PRKAG2: variants seen among roughly 807,000 people sequenced by gnomAD.
PRKAG2 encodes the protein protein kinase AMP-activated non-catalytic subunit gamma 2.
PRKAG2 carries 26 observed loss-of-function variants against 69.6 expected under a neutral mutation model. The ratio of observed to expected loss-of-function variants is 0.37; its 90% confidence interval spans 0.27 to 0.52. The LOEUF (loss-of-function observed/expected upper bound fraction) is 0.52. Ranked by LOEUF, PRKAG2 falls within the 20% of genes least tolerant of loss-of-function variation. The pLI is 0.90. For missense variants in PRKAG2, 557 were observed against 740.0 expected (o/e 0.75, Z 2.87); for synonymous variants, 293 against 285.0 (o/e 1.03, Z -0.28).
In PRKAG2 at chr7:151,825,877, T is replaced by A. The variant is rs75674230; in HGVS notation, c.115-39336A>T. Among the ~76,000 whole-genome samples the A allele has an allele frequency of 7.8e-3, 1,190 of 152,248 alleles. 9 individuals carry two copies. The highest frequency in any genetic ancestry group is 0.013 in the Non-Finnish European group (910 of 68,018). ...CAGCCTAAGGCTTCTTCACTCCCTTTCCTGGCCCCAATTGCCTCCAAACAA... is the reference window on the plus strand; with the variant it reads ...CAGCCTAAGGCTTCTTCACTCCCTTACCTGGCCCCAATTGCCTCCAAACAA... On this transcript the variant is annotated intron_variant, in intron 1 of 15. Coordinates refer to ENST00000287878, the MANE Select transcript of PRKAG2 (RefSeq NM_016203.4).
At chr7:151,808,386 G>A (rs2078230654) in intron 1 of PRKAG2, among the ~76,000 whole-genome samples, 1 of 152,096 alleles carries the variant, frequency 6.6e-6, no homozygotes, top group African/African-American at 2.4e-5. Context: ...GAAACTGCTA[G>A]ACTCAATGAC....
intron 3 of PRKAG2, among the ~76,000 whole-genome samples, chr7:151,692,562 G>C (rs1835849057): frequency 1.4e-5 from 2 of 143,476 alleles, no homozygotes; most frequent in South Asian, 4.2e-4. Flanking sequence ...TCTCAGAATA[G>C]CACATTTTTT....
chr7:151,587,191 G>A (rs1442540953), intron 6 of PRKAG2, among the ~76,000 whole-genome samples: 2 of 152,106 alleles, frequency 1.3e-5, no homozygotes, highest in Non-Finnish European at 2.9e-5. Flanking sequence ...ATACTTGCTT[G>A]TTTTTTTGTT....
At chr7:151,595,634 G>C (rs1289094390) in intron 5 of PRKAG2, among the ~76,000 whole-genome samples, 180 bp from the exon 6 acceptor site, 1 of 152,124 alleles carries the variant, frequency 6.6e-6, no homozygotes, top group Non-Finnish European at 1.5e-5. Flanking sequence ...CTATATTGGA[G>C]GTCCCAGATG....
chr7:151,575,830 T>TTAA (rs1554464967), intron 7 of PRKAG2, among the ~76,000 whole-genome samples: 1 of 140,144 alleles, frequency 7.1e-6, no homozygotes, highest in Admixed American at 7.4e-5. Context: ...TAAAAGAAAT[T>TTAA]CAACAACAAC....
chr7:151,824,195 G>T (rs1243092555), intron 1 of PRKAG2, among the ~76,000 whole-genome samples: 1 of 152,194 alleles, frequency 6.6e-6, no homozygotes, highest in Non-Finnish European at 1.5e-5. Flanking sequence ...CCTTGGTTCA[G>T]AATATTCATA....
chr7:151,742,625 CA>C lies in PRKAG2; in HGVS notation c.466+38526del, dbSNP rs562390958. The stretch of plus-strand genomic sequence containing the variant: ...TGCAACAGAGTAAGATTACATCTCA[CA>C]AAAAAAAAAAAAATAAAATAAAATA... On this transcript the variant is annotated intron_variant, in intron 3 of 15. Coordinates refer to ENST00000287878, the MANE Select transcript of PRKAG2 (RefSeq NM_016203.4). Among the ~76,000 whole-genome samples, 1,022 of 135,580 alleles carry C rather than the reference CA, an allele frequency of 7.5e-3. 31 individuals carry two copies. The East Asian group carries it at 0.094, about 13-fold the overall frequency. 88.9% of individuals were successfully genotyped at this position (135,580 alleles called of 152,430 possible).
chr7:151,816,762 G>A (rs1015263467), intron 1 of PRKAG2, among the ~76,000 whole-genome samples: 9 of 152,232 alleles, frequency 5.9e-5, no homozygotes, highest in Non-Finnish European at 8.8e-5. Context: ...TCTCCTGCTG[G>A]TTCTGGAACT....
rs77334294 is a variant in PRKAG2, at chr7:151,673,049, C to A, written c.684+2371G>T. ...AAGAACACCACTTTCCTGTTACACT[C>A]GCGGGGAGGAAGCTGACAGCAAACC... On this transcript the variant is annotated intron_variant, in intron 4 of 15. Transcript: ENST00000287878. Among the ~76,000 whole-genome samples the A allele has an allele frequency of 2.6e-3, 398 of 152,262 alleles. 4 individuals are homozygous for A. The highest frequency in any genetic ancestry group is 9.0e-3 in the African/African-American group (374 of 41,550).
At chr7:151,646,204 A>C (rs535020668) in intron 4 of PRKAG2, among the ~76,000 whole-genome samples, 1 of 152,244 alleles carries the variant, frequency 6.6e-6, no homozygotes, top group Non-Finnish European at 1.5e-5. Flanking sequence ...TTCTATATAC[A>C]TTCCAGAATT....
chr7:151,769,456 G>C (rs921458713), intron 3 of PRKAG2, among the ~76,000 whole-genome samples: 1 of 152,216 alleles, frequency 6.6e-6, no homozygotes, highest in African/African-American at 2.4e-5. Flanking sequence ...ACAGAGGAAG[G>C]CCACAGGATG....
In PRKAG2 at chr7:151,632,042, G is replaced by A. The variant is rs745688026; in HGVS notation, c.754+27C>T. 7.5e-7 allele frequency: 1 copy of A among 1,339,718 alleles called. No homozygotes were observed. The highest frequency in any genetic ancestry group is 9.7e-7 in the Non-Finnish European group (1 of 1,032,918). 83.0% of individuals were successfully genotyped at this position (1,339,718 alleles called of 1,614,324 possible). A position where few individuals can be genotyped will look rare whatever the true frequency, so the allele number is the denominator to read the frequency against. On this transcript the variant is annotated intron_variant, in intron 5 of 15. Coordinates refer to ENST00000287878, the MANE Select transcript of PRKAG2 (RefSeq NM_016203.4). The surrounding 1 kb of genome is among the most constrained non-coding windows in gnomAD (Gnocchi z 4.2). ...GGGCGGCCGGGCCGTGGGAGCGCCG[G>A]GCCGGCAGCGGGCGGGGCGCACTCA...
intron 5 of PRKAG2, among the ~76,000 whole-genome samples, chr7:151,623,535 C>T (rs1000326958): frequency 4.6e-5 from 7 of 152,120 alleles, no homozygotes; most frequent in African/African-American, 1.4e-4. Flanking sequence ...GCTCACCTGC[C>T]GTGTGGGCCG....
chr7:151,754,196 AAATAATAACAGCCTGGAC>A (rs1178490013), intron 3 of PRKAG2, among the ~76,000 whole-genome samples: 1 of 152,234 alleles, frequency 6.6e-6, no homozygotes, highest in Non-Finnish European at 1.5e-5. Flanking sequence ...GGCTTCTCCC[AAATAATAACAGCCTGGAC>A]ACAGGATGTG....
intron 3 of PRKAG2, among the ~76,000 whole-genome samples, chr7:151,746,317 T>TGCCTCAGATCTC (rs1236358541): frequency 6.6e-6 from 1 of 152,224 alleles, no homozygotes; most frequent in Non-Finnish European, 1.5e-5. Flanking sequence ...AGCTGAAGTT[T>TGCCTCAGATCTC]GCCTCAGATC....
At chr7:151,824,638 C>G (rs1051657884) in intron 1 of PRKAG2, among the ~76,000 whole-genome samples, 3 of 152,288 alleles carry the variant, frequency 2.0e-5, no homozygotes, top group Non-Finnish European at 2.9e-5. Flanking sequence ...ACACCTCTCT[C>G]CTGCTCCTCT....
intron 1 of PRKAG2, among the ~76,000 whole-genome samples, chr7:151,875,705 A>G (rs1211560687): frequency 6.6e-6 from 1 of 150,974 alleles, no homozygotes; most frequent in Non-Finnish European, 1.5e-5. Context: ...GGAGGCGAGG[A>G]ACAGTGGCCG....
chr7:151,725,563 A>G (rs1241740035), intron 3 of PRKAG2, among the ~76,000 whole-genome samples: 1 of 152,050 alleles, frequency 6.6e-6, no homozygotes, highest in African/African-American at 2.4e-5. Context: ...CAGTGAAGAA[A>G]AAAAAAAAAA....
chr7:151,632,266 GACGCGGGC>G lies in PRKAG2; in HGVS notation c.685-136_685-129del. On this transcript the variant is annotated intron_variant, in intron 4 of 15. Transcript: ENST00000287878. The surrounding 1 kb of genome is among the most constrained non-coding windows in gnomAD (Gnocchi z 4.2). ...CGCCGGGAGGAGGGGCCTGGCAGGG[GACGCGGGC>G]AGCGGGGGCCGGGGGCGGAGCGGGA... The G allele has an allele frequency of 9.7e-7, 1 of 1,031,758 alleles. No individual in the cohort carries two copies. Among genetic ancestry groups the G allele is most frequent in the Non-Finnish European group, 1.2e-6 (1 of 860,340 alleles). The allele number at this position is 1,031,758 out of a possible 1,614,324, so 63.9% of individuals were successfully genotyped here. A position where few individuals can be genotyped will look rare whatever the true frequency, so the allele number is the denominator to read the frequency against.
Sources: gnomAD v4.1 joint callset for allele counts (sites outside exome capture counted in the v4.1 genomes callset) on GRCh38, gnomAD v4.1.1 for gene constraint, Gnocchi (gnomAD v3.1) non-coding constraint, MANE v1.5 for transcripts, NCBI Gene and HGNC (gene_info 2026-07-23, HGNC 2026-07-21) for gene names.